Variants in ATP2C2 observed in about 807,000 individuals in gnomAD.
The protein encoded by ATP2C2 is calcium-transporting ATPase type 2C member 2.
In ATP2C2, 171 loss-of-function variants were observed where a neutral mutation model predicts 110.8. That is an observed-to-expected ratio of 1.54 (90% CI 1.36 to 1.75). ATP2C2 has a LOEUF of 1.75. Ranked by LOEUF, ATP2C2 falls within the 40% of genes most tolerant of loss-of-function variation. The pLI, the probability that ATP2C2 is intolerant of heterozygous loss-of-function variation, is 0.00. For synonymous variants in ATP2C2, 804 were observed against 508.4 expected (o/e 1.58, Z -7.82); for missense variants, 1,963 against 1,235.0 (o/e 1.59, Z -8.84).
chr16:84,461,376 C>A, intron 24 of ATP2C2: 1 of 440,134 alleles, frequency 2.3e-6, no homozygotes, highest in Non-Finnish European at 4.1e-6. Flanking sequence ...GACGGCCATC[C>A]TTCAGCCTTC....
chr16:84,396,709 G>A (rs913327583), intron 1 of ATP2C2, among the ~76,000 whole-genome samples: 4 of 151,918 alleles, frequency 2.6e-5, no homozygotes, highest in South Asian at 4.2e-4. Flanking sequence ...TTGGTACGAC[G>A]GGAGCAGATC....
chr16:84,461,006 G>C (rs970887591), intron 24 of ATP2C2: 4 of 698,422 alleles, frequency 5.7e-6, no homozygotes, highest in Non-Finnish European at 8.9e-6. Flanking sequence ...CGCCAGGTGT[G>C]TGCCTGGGAA....
intron 1 of ATP2C2, among the ~76,000 whole-genome samples, chr16:84,371,140 G>T (rs1359187835): frequency 6.6e-6 from 1 of 152,218 alleles, no homozygotes; most frequent in Non-Finnish European, 1.5e-5. Context: ...CCAGACAGAG[G>T]ACTGGTGGTT....
At chr16:84,463,052 C>T (rs541219562) in intron 26 of ATP2C2, 57 of 157,510 alleles carry the variant, frequency 3.6e-4, no homozygotes, top group Non-Finnish European at 6.3e-4. Flanking sequence ...CTGGCTGTTT[C>T]CACCCGCCGG....
intron 11 of ATP2C2, among the ~76,000 whole-genome samples, chr16:84,437,239 G>A (rs111300814): frequency 2.6e-5 from 4 of 152,056 alleles, no homozygotes; most frequent in African/African-American, 9.6e-5. Context: ...ATAGGCTGTA[G>A]CACAGTGACA....
chr16:84,412,671 C>T (rs908166028), intron 6 of ATP2C2, among the ~76,000 whole-genome samples: 8 of 152,086 alleles, frequency 5.3e-5, no homozygotes, highest in African/African-American at 1.2e-4. Context: ...TAAGCTCGTT[C>T]TCCTAGTAGA....
rs763173008 is a variant in ATP2C2 at position 84,451,960 on chromosome 16, C to T, written c.1700C>T (p.Thr567Met). ...LASGPELGRL[T>M]FLGLVGIIDP... ...TCTGGGCCCGAGCTGGGGCGGCTGA[C>T]GTTTCTCGGTCTTGTGGGCATCATT... The change falls in exon 18 of 27, where the codon ACG (threonine) becomes ATG (methionine). Residue 567 changes from threonine to methionine, a missense_variant. Thr to Met is a moderately conservative substitution (Grantham distance 81). Transcript: ENST00000262429. The T allele has an allele frequency of 6.2e-6, 10 of 1,613,904 alleles. No homozygotes were observed. Among genetic ancestry groups the T allele is most frequent in the East Asian group, 2.2e-5 (1 of 44,894 alleles).
At chr16:84,441,397 G>A (rs1007066942) in intron 14 of ATP2C2, among the ~76,000 whole-genome samples, 1 of 152,190 alleles carries the variant, frequency 6.6e-6, no homozygotes, top group Admixed American at 6.5e-5. Context: ...AAGTGAGCCT[G>A]TGATGAATTT....
Position 84,405,173 on chromosome 16 carries a change from C to A in ATP2C2, c.256C>A (p.Arg86=), listed in dbSNP as rs200841107. 2 of 1,613,930 alleles carry A rather than the reference C, an allele frequency of 1.2e-6. No individual in the cohort carries two copies. Among genetic ancestry groups the A allele is most frequent in the Non-Finnish European group, 1.7e-6 (2 of 1,180,006 alleles). ...GTCGGAGTTCTCGGTGACGCAGCGC[C>A]GGCTGGCCCATGGCTGGAATGAGTT... ...GLSEFSVTQR[R]LAHGWNEFVA... The change falls in exon 3 of 27, where the codon CGG becomes AGG. Residue 86 remains arginine, a synonymous_variant. Coordinates refer to ENST00000262429, the MANE Select transcript of ATP2C2 (RefSeq NM_014861.4).
chr16:84,459,499 C>T (rs769905568), intron 23 of ATP2C2, 113 bp downstream of exon 23: 2 of 1,581,368 alleles, frequency 1.3e-6, no homozygotes, highest in Non-Finnish European at 1.7e-6. Flanking sequence ...CAGCCACTTT[C>T]CATCAGGAGT....
chr16:84,405,055 TG>T (rs1567699117), intron 2 of ATP2C2, 72 bp from the exon 3 acceptor site: 2 of 1,242,040 alleles, frequency 1.6e-6, no homozygotes, highest in African/African-American at 3.0e-5. Context: ...CCTTTCAGAG[TG>T]GGAGTCTGTA....
rs749781292 is a variant in ATP2C2 at position 84,459,369 on chromosome 16, T to C, written c.2316T>C (p.Asp772=). The C allele has an allele frequency of 2.8e-5, 45 of 1,614,038 alleles. No individual in the cohort carries two copies. Among genetic ancestry groups the C allele is most frequent in the Non-Finnish European group, 3.7e-5 (44 of 1,180,006 alleles). The change falls in exon 23 of 27, where the codon GAT becomes GAC. Residue 772 remains aspartate (D), a synonymous_variant. Transcript: ENST00000262429. ...MQILWINIIM[D]GPPAQSLGVE... Reference sequence around the variant, plus strand: ...TCCTATGGATCAACATCATCATGGATGGGCCACCGGCGCAGAGGTGAGGCA... The same window carrying C: ...TCCTATGGATCAACATCATCATGGACGGGCCACCGGCGCAGAGGTGAGGCA...
In ATP2C2 at chr16:84,422,684, T is replaced by A. The variant is rs1261689173; in HGVS notation, c.830T>A (p.Met277Lys). The A allele has an allele frequency of 4.3e-6, 7 of 1,613,024 alleles. No homozygotes were observed. In the East Asian group the frequency reaches 1.6e-4, roughly 36 times the overall value. ...SSQFGEVFKM[M>K]QAEETPKTPL... ...CAGTTCGGAGAAGTGTTTAAGATGA[T>A]GCAGGCTGAAGAGGTAAGGGGCAGG... is the stretch of plus-strand genomic sequence containing the variant. Residue 277 changes from methionine to lysine, a missense_variant, in exon 9 of 27, where the codon ATG (methionine) becomes AAG (lysine). Coordinates refer to ENST00000262429, the MANE Select transcript of ATP2C2 (RefSeq NM_014861.4).
chr16:84,463,583 C>G (rs1372144877), intron 26 of ATP2C2, 31 bp from the exon 27 acceptor site: 2 of 1,583,186 alleles, frequency 1.3e-6, no homozygotes, highest in Admixed American at 1.7e-5. Context: ...TGCAGCCCGT[C>G]CTGAATCTTT....
At chr16:84,389,198 G>A (rs543280340) in intron 1 of ATP2C2, among the ~76,000 whole-genome samples, 42 of 152,192 alleles carry the variant, frequency 2.8e-4, no homozygotes, top group Non-Finnish European at 5.3e-4. Context: ...CACATGAGCC[G>A]TTTTCTTGTT....
In ATP2C2 at chr16:84,427,535, G is replaced by A. The variant is rs986180299; in HGVS notation, c.986+1734G>A. Among the ~76,000 whole-genome samples, 3 of 152,116 alleles carry A rather than the reference G, an allele frequency of 2.0e-5. No homozygotes were observed. The South Asian group carries it at 6.2e-4, about 32-fold the overall frequency. ...AGTTCTAGACCAGTCTGGCCAACATGGTGAAACCCTGTCTCTACTAAAAAT... is the reference window on the plus strand; with the variant it reads ...AGTTCTAGACCAGTCTGGCCAACATAGTGAAACCCTGTCTCTACTAAAAAT... On this transcript the variant is annotated intron_variant, in intron 11 of 26. Coordinates refer to ENST00000262429, the MANE Select transcript of ATP2C2 (RefSeq NM_014861.4).
intron 3 of ATP2C2, among the ~76,000 whole-genome samples, chr16:84,406,204 T>C (rs1905752840): frequency 6.6e-6 from 1 of 152,080 alleles, no homozygotes; most frequent in South Asian, 2.1e-4. Flanking sequence ...TGGCACACAA[T>C]CAAATGCCTG....
rs535977777 is a variant in ATP2C2, at chr16:84,421,308, G to T, written c.625-1082G>T. 2.0e-5 allele frequency among the ~76,000 whole-genome samples: 3 copies of T among 152,390 alleles called. No homozygotes were observed. The South Asian group carries it at 6.2e-4, about 32-fold the overall frequency. On this transcript the variant is annotated intron_variant, in intron 7 of 26. Transcript: ENST00000262429. ...CTGACGCTGTGGGGTCCACTGGGAAGGAAGTGGGGAGACGGGCATTACCTG... is the reference window on the plus strand; with the variant it reads ...CTGACGCTGTGGGGTCCACTGGGAATGAAGTGGGGAGACGGGCATTACCTG...
At chr16:84,411,138 C>T (rs763326685) in intron 6 of ATP2C2, among the ~76,000 whole-genome samples, 1 of 152,072 alleles carries the variant, frequency 6.6e-6, no homozygotes, top group South Asian at 2.1e-4. Flanking sequence ...AATGAATGGT[C>T]TCAGGAGAGT....
Sources: gnomAD v4.1 joint callset for allele counts (sites outside exome capture counted in the v4.1 genomes callset) on GRCh38, gnomAD v4.1.1 for gene constraint, MANE v1.5 for transcripts, NCBI Gene and HGNC (gene_info 2026-07-23, HGNC 2026-07-21) for gene names.